SNTG1: variants seen among roughly 807,000 people sequenced by gnomAD.
SNTG1 encodes gamma-1-syntrophin.
A neutral mutation model predicts 74.7 loss-of-function variants in SNTG1; 39 were observed. The observed-to-expected ratio is 0.52, with a 90% CI of 0.40 to 0.68. SNTG1 has a LOEUF of 0.68. Ranked by LOEUF, SNTG1 falls within the 30% of genes least tolerant of loss-of-function variation. The pLI, the probability that SNTG1 is intolerant of heterozygous loss-of-function variation, is 0.00. For synonymous variants in SNTG1, 254 were observed against 217.1 expected, an observed-to-expected ratio of 1.17 and a Z score of -1.49; for missense variants, 685 against 609.5, an observed-to-expected ratio of 1.12 and a Z score of -1.30.
At chr8:50,158,062 T>C (rs1339889794) in intron 1 of SNTG1, among the ~76,000 whole-genome samples, 1 of 152,106 alleles carries the variant, frequency 6.6e-6, no homozygotes, top group Non-Finnish European at 1.5e-5. Context: ...ATTGTTTGGG[T>C]GGCAAATTCC....
intron 8 of SNTG1, among the ~76,000 whole-genome samples, chr8:50,485,872 T>A (rs2093788223): frequency 6.6e-6 from 1 of 150,444 alleles, no homozygotes; most frequent in African/African-American, 2.4e-5. Context: ...GGGATCCAGT[T>A]TCAGCTTTCT....
chr8:50,372,733 G>A (rs552651878), intron 2 of SNTG1, among the ~76,000 whole-genome samples: 10 of 152,058 alleles, frequency 6.6e-5, no homozygotes, highest in Non-Finnish European at 1.3e-4. Context: ...TTAAAATCCA[G>A]TGTAAGGATT....
intron 2 of SNTG1, among the ~76,000 whole-genome samples, chr8:50,177,989 C>T (rs540450751): frequency 8.5e-5 from 13 of 152,266 alleles, no homozygotes; most frequent in African/African-American, 3.1e-4. Context: ...TTCAGAATGG[C>T]TTCCTTCACT....
intron 14 of SNTG1, 89 bp from the exon 15 acceptor site, chr8:50,658,503 T>C: frequency 1.1e-6 from 1 of 893,522 alleles, no homozygotes; most frequent in Non-Finnish European, 1.7e-6. Flanking sequence ...TGAAAGTTTT[T>C]TCTTATTTTT....
intron 1 of SNTG1, among the ~76,000 whole-genome samples, chr8:50,073,790 C>T (rs1178661000): frequency 6.6e-6 from 1 of 151,722 alleles, no homozygotes; most frequent in Non-Finnish European, 1.5e-5. Context: ...TAGCAGTCTG[C>T]TTTTGAAAGA....
At chr8:50,196,808 A>C (rs143693743) in intron 2 of SNTG1, among the ~76,000 whole-genome samples, 1 of 151,568 alleles carries the variant, frequency 6.6e-6, no homozygotes, top group African/African-American at 2.4e-5. Flanking sequence ...AATACAAAAA[A>C]AAAAAAACAA....
intron 18 of SNTG1, among the ~76,000 whole-genome samples, chr8:50,772,334 A>C (rs769192498): frequency 3.9e-5 from 6 of 152,100 alleles, no homozygotes; most frequent in Non-Finnish European, 7.4e-5. Flanking sequence ...ATTATCCTGG[A>C]GCCTTAAGAT....
At chr8:50,790,461 G>T (rs1198313018) in intron 18 of SNTG1, among the ~76,000 whole-genome samples, 1 of 151,894 alleles carries the variant, frequency 6.6e-6, no homozygotes, top group Non-Finnish European at 1.5e-5. Context: ...GAAGCTGTCG[G>T]TGGATGGATA....
chr8:50,075,920 G>A (rs1821832164), intron 1 of SNTG1, among the ~76,000 whole-genome samples: 2 of 152,080 alleles, frequency 1.3e-5, no homozygotes, highest in Admixed American at 1.3e-4. Context: ...ACAAACTCCG[G>A]ACATGCCACC....
At chr8:50,085,781 A>T (rs1822827662) in intron 1 of SNTG1, among the ~76,000 whole-genome samples, 1 of 152,218 alleles carries the variant, frequency 6.6e-6, no homozygotes, top group Non-Finnish European at 1.5e-5. Flanking sequence ...TGGGAACTCC[A>T]CATGCTCTCA....
intron 10 of SNTG1, among the ~76,000 whole-genome samples, chr8:50,531,720 AG>A (rs2094269795): frequency 6.6e-6 from 1 of 152,112 alleles, no homozygotes; most frequent in Non-Finnish European, 1.5e-5. Flanking sequence ...GTTGTTCCTG[AG>A]AGTGCCCCCT....
At chr8:50,767,699 C>T (rs1004565985) in intron 18 of SNTG1, among the ~76,000 whole-genome samples, 2 of 151,894 alleles carry the variant, frequency 1.3e-5, no homozygotes, top group African/African-American at 4.8e-5. Flanking sequence ...ACTAATACAG[C>T]TAGGCTTACT....
intron 1 of SNTG1, among the ~76,000 whole-genome samples, chr8:49,953,315 G>A (rs1389914502): frequency 1.3e-5 from 2 of 152,170 alleles, no homozygotes; most frequent in South Asian, 2.1e-4. Flanking sequence ...TTCTCTCCAG[G>A]GATCCAGCCA....
intron 1 of SNTG1, among the ~76,000 whole-genome samples, chr8:49,943,715 T>C (rs528691031): frequency 4.4e-4 from 67 of 152,366 alleles, no homozygotes; most frequent in Admixed American, 1.4e-3. Context: ...TTTCTGTACT[T>C]CTAGTACTTT....
chr8:50,456,454 T>G (rs1172221376), intron 8 of SNTG1, among the ~76,000 whole-genome samples: 2 of 151,368 alleles, frequency 1.3e-5, no homozygotes, highest in African/African-American at 4.9e-5. Context: ...AGGCTTGGAG[T>G]GCACTGAGGG....
intron 13 of SNTG1, among the ~76,000 whole-genome samples, chr8:50,610,539 G>A (rs2094842579): frequency 6.6e-6 from 1 of 152,142 alleles, no homozygotes; most frequent in African/African-American, 2.4e-5. Context: ...AATTTCCCCA[G>A]TAAGCATCAC....
intron 2 of SNTG1, among the ~76,000 whole-genome samples, chr8:50,178,745 G>T (rs990479566): frequency 2.0e-5 from 3 of 151,890 alleles, no homozygotes; most frequent in African/African-American, 7.3e-5. Flanking sequence ...ATATATATTT[G>T]CCTCATCCTA....
chr8:49,955,333 T>C (rs1050568395), intron 1 of SNTG1, among the ~76,000 whole-genome samples: 3 of 152,184 alleles, frequency 2.0e-5, no homozygotes, highest in Admixed American at 6.5e-5. Flanking sequence ...TGTCTTCCAA[T>C]AGAGTTCCAG....
At chr8:50,267,665 C>T (rs946183126) in intron 2 of SNTG1, among the ~76,000 whole-genome samples, 1 of 152,116 alleles carries the variant, frequency 6.6e-6, no homozygotes, top group African/African-American at 2.4e-5. Context: ...AAAAGTCAAT[C>T]TATGTAATCC....
Sources: gnomAD v4.1 joint callset for allele counts (sites outside exome capture counted in the v4.1 genomes callset) on GRCh38, gnomAD v4.1.1 for gene constraint, MANE v1.5 for transcripts, NCBI Gene and HGNC (gene_info 2026-07-23, HGNC 2026-07-21) for gene names.